ASAP3: variants seen among roughly 807,000 people sequenced by gnomAD.
ASAP3 encodes arf-GAP with SH3 domain, ANK repeat and PH domain-containing protein 3.
In ASAP3, 85 loss-of-function variants were observed where a neutral mutation model predicts 118.2. The ratio of observed to expected loss-of-function variants is 0.72; its 90% CI spans 0.60 to 0.86. The LOEUF (loss-of-function observed/expected upper bound fraction) is 0.86. Ranked by LOEUF, ASAP3 falls within the 40% of genes least tolerant of loss-of-function variation. The pLI, the probability that ASAP3 is intolerant of heterozygous loss-of-function variation, is 0.00. For missense variants in ASAP3, 1,026 were observed against 1,175.0 expected (o/e 0.87, Z 1.85); for synonymous variants, 432 against 477.4 (o/e 0.90, Z 1.24).
intron 1 of ASAP3, among the ~76,000 whole-genome samples, chr1:23,474,540 C>T (rs540900738): frequency 6.6e-6 from 1 of 152,112 alleles, no homozygotes; most frequent in East Asian, 1.9e-4. Flanking sequence ...CTTCTTCGTT[C>T]CTCTCTCTAG....
rs78529568 is a variant in ASAP3, at chr1:23,451,043, A to T, written c.473+436T>A. Among the ~76,000 whole-genome samples the T allele has an allele frequency of 7.9e-3, 1,209 of 152,366 alleles. 22 individuals carry two copies. Among genetic ancestry groups the T allele is most frequent in the African/African-American group, 0.027 (1,113 of 41,588 alleles). The stretch of plus-strand genomic sequence containing the variant: ...CTGAGGAACGAGGAGCAAGGGGCAT[A>T]AACCCCAGTTCTGCCTCTGCCAAGC... On this transcript the variant is annotated intron_variant, in intron 5 of 24. Coordinates refer to ENST00000336689, the MANE Select transcript of ASAP3 (RefSeq NM_017707.4).
In ASAP3 at chr1:23,433,655, T is replaced by G. The variant is rs1252335611; in HGVS notation, c.1990A>C (p.Lys664Gln). ...AGETALDIAR[K>Q]KHHKECEELL... ...TCCTCACACTCCTTGTGGTGCTTCT[T>G]CCTGGCTATGTCCAGAGCTGTCTCG... Residue 664 changes from lysine (K) to glutamine (Q), a missense_variant, in exon 20 of 25, where the codon AAG becomes CAG. By Grantham distance (53) the Lys-to-Gln change is moderately conservative. Transcript: ENST00000336689. The G allele has an allele frequency of 3.1e-6, 5 of 1,614,238 alleles. No homozygotes were observed. Among genetic ancestry groups the G allele is most frequent in the Non-Finnish European group, 4.2e-6 (5 of 1,180,040 alleles).
chr1:23,447,785 C>G (rs147472197), intron 5 of ASAP3, among the ~76,000 whole-genome samples: 266 of 152,282 alleles, frequency 1.7e-3, no homozygotes, highest in African/African-American at 6.1e-3. Flanking sequence ...CTACTTAACT[C>G]AAGGTGTAGA....
chr1:23,466,110 C>G (rs921074260), intron 1 of ASAP3, among the ~76,000 whole-genome samples: 1 of 152,176 alleles, frequency 6.6e-6, no homozygotes, highest in African/African-American at 2.4e-5. Flanking sequence ...TTTGTTCAGG[C>G]TGGCCTCAGA....
intron 1 of ASAP3, among the ~76,000 whole-genome samples, chr1:23,463,043 T>G (rs1013812059): frequency 2.0e-5 from 3 of 152,146 alleles, no homozygotes; most frequent in African/African-American, 7.2e-5. Flanking sequence ...ATGGTAGGAC[T>G]GCCAGGAAGG....
intron 5 of ASAP3, among the ~76,000 whole-genome samples, chr1:23,446,622 G>A (rs1570358424): frequency 6.6e-6 from 1 of 152,032 alleles, no homozygotes; most frequent in East Asian, 1.9e-4. Flanking sequence ...ATTTTTAGTA[G>A]AGCCGGGGTT....
chr1:23,433,959 T>G (rs1183060397), intron 19 of ASAP3, among the ~76,000 whole-genome samples: 1 of 152,258 alleles, frequency 6.6e-6, no homozygotes, highest in African/African-American at 2.4e-5. Context: ...GCCAGGCATA[T>G]GTTAAACAAT....
intron 17 of ASAP3, 48 bp from the exon 18 acceptor site, chr1:23,434,666 C>T: frequency 6.4e-7 from 1 of 1,568,868 alleles, no homozygotes; most frequent in South Asian, 1.1e-5. Context: ...GTGCACCTGC[C>T]TCCAACCCAG....
chr1:23,432,004 AT>A (rs757118739), intron 22 of ASAP3, 86 bp from the exon 23 acceptor site: 79,366 of 592,606 alleles, frequency 0.13, 634 homozygotes, highest in East Asian at 0.24. Context: ...GGCCTCTAGG[AT>A]TTTTTTTTTT....
rs57655847 is a variant in ASAP3 at position 23,464,659 on chromosome 1, TAAAAAAAAAAAAAAAAAAA to T, written c.130-8484_130-8466del. Among the ~76,000 whole-genome samples, 229 of 47,130 alleles carry T rather than the reference TAAAAAAAAAAAAAAAAAAA, an allele frequency of 4.9e-3. 4 individuals carry two copies. The highest frequency in any genetic ancestry group is 0.022 in the African/African-American group (215 of 9,816). 30.9% of individuals were successfully genotyped at this position (47,130 alleles called of 152,430 possible). ...TGAGTGACAGAATGAGACACTGTCTTAAAAAAAAAAAAAAAAAAAAAAAAAAAAAAAAAAATCAGCTTCT... is the reference window on the plus strand; with the variant it reads ...TGAGTGACAGAATGAGACACTGTCTTAAAAAAAAAAAAAAAATCAGCTTCT... On this transcript the variant is annotated intron_variant, in intron 1 of 24. Transcript: ENST00000336689.
intron 1 of ASAP3, among the ~76,000 whole-genome samples, chr1:23,464,670 A>T (rs888523755): frequency 1.5e-4 from 19 of 130,496 alleles, no homozygotes; most frequent in African/African-American, 4.9e-4. Flanking sequence ...AAAAAAAAAA[A>T]AAAAAAAAAA....
chr1:23,475,861 G>A (rs989815451), intron 1 of ASAP3, among the ~76,000 whole-genome samples: 20 of 152,148 alleles, frequency 1.3e-4, no homozygotes, highest in Admixed American at 5.9e-4. Flanking sequence ...GTGGAAGCAC[G>A]AGGATTGCTT....
chr1:23,460,500 C>T (rs1341134633), intron 1 of ASAP3, among the ~76,000 whole-genome samples: 5 of 107,290 alleles, frequency 4.7e-5, no homozygotes, highest in African/African-American at 1.5e-4. Flanking sequence ...GAGTGAGACT[C>T]CATCTCAAAA....
At chr1:23,471,757 C>T (rs894335661) in intron 1 of ASAP3, among the ~76,000 whole-genome samples, 3 of 151,666 alleles carry the variant, frequency 2.0e-5, no homozygotes, top group East Asian at 1.9e-4. Flanking sequence ...CATTTAAGCA[C>T]GTGGCCCAGC....
At chr1:23,479,481 CAG>C (rs1236090109) in intron 1 of ASAP3, among the ~76,000 whole-genome samples, 1 of 152,294 alleles carries the variant, frequency 6.6e-6, no homozygotes, top group East Asian at 1.9e-4. Context: ...TTCCCTCCAA[CAG>C]AAACAAGCTT....
chr1:23,434,655 A>G (rs762316173), intron 17 of ASAP3, 37 bp from the exon 18 acceptor site: 1 of 1,583,436 alleles, frequency 6.3e-7, no homozygotes, highest in South Asian at 1.1e-5. Context: ...TTCCCCCCCC[A>G]GTGCACCTGC....
At chr1:23,433,774 C>A (rs1640534327) in intron 19 of ASAP3, 81 bp from the exon 20 acceptor site, 5 of 1,572,428 alleles carry the variant, frequency 3.2e-6, no homozygotes, top group South Asian at 1.1e-5. Flanking sequence ...CCTCTGGAAT[C>A]AGAATGTATG....
intron 1 of ASAP3, among the ~76,000 whole-genome samples, chr1:23,482,844 C>G (rs1431658243): frequency 6.6e-6 from 1 of 151,104 alleles, no homozygotes; most frequent in Non-Finnish European, 1.5e-5. Context: ...CCCAGCTACT[C>G]GGGAGGCTGA....
intron 1 of ASAP3, among the ~76,000 whole-genome samples, chr1:23,476,025 C>T (rs376501990): frequency 6.6e-5 from 10 of 151,914 alleles, no homozygotes; most frequent in African/African-American, 2.4e-4. Flanking sequence ...GCCAGATTTC[C>T]CCTTCTCGGT....
Sources: allele counts gnomAD v4.1 joint callset (sites outside exome capture counted in the v4.1 genomes callset), GRCh38; gene constraint gnomAD v4.1.1; transcripts MANE v1.5; gene names NCBI Gene and HGNC (gene_info 2026-07-23, HGNC 2026-07-21).